The following CEP57L1 variants were observed in gnomAD, a reference collection of about 807,000 sequenced individuals.
CEP57L1 encodes the protein centrosomal protein 57 like 1, also known as centrosomal protein CEP57L1.
Under a neutral mutation model 61.0 loss-of-function variants are expected in CEP57L1, and 37 were observed. The observed-to-expected ratio is 0.61, with a 90% CI of 0.47 to 0.80. The LOEUF is 0.80. Ranked by LOEUF, CEP57L1 falls within the 30% of genes least tolerant of loss-of-function variation. CEP57L1 has a pLI of 0.00. For missense variants in CEP57L1, 422 were observed against 524.7 expected, an observed-to-expected ratio of 0.80 and a Z score of 1.91; for synonymous variants, 137 against 162.3, an observed-to-expected ratio of 0.84 and a Z score of 1.19.
chr6:109,131,335 A>G (rs1004273448), intron 1 of CEP57L1, among the ~76,000 whole-genome samples: 1 of 152,102 alleles, frequency 6.6e-6, no homozygotes, highest in Admixed American at 6.6e-5. Flanking sequence ...TTCTCAGCCT[A>G]TAGATTGTTT....
intron 7 of CEP57L1, chr6:109,156,801 G>A (rs1773260776): frequency 6.6e-6 from 1 of 151,922 alleles, no homozygotes; most frequent in Admixed American, 6.6e-5. Flanking sequence ...TTCAATACTT[G>A]GGCTGTATTT....
chr6:109,164,448 T>C lies in CEP57L1; in HGVS notation c.*1478T>C, dbSNP rs1773961487. Among the ~76,000 whole-genome samples the C allele has an allele frequency of 6.6e-6, 1 of 152,168 alleles. No homozygotes were observed. Among genetic ancestry groups the C allele is most frequent in the African/African-American group, 2.4e-5 (1 of 41,456 alleles). On this transcript the variant is annotated 3_prime_UTR_variant, in exon 11 of 11. Coordinates refer to ENST00000517392, the MANE Select transcript of CEP57L1 (RefSeq NM_001271852.3). ...GGCAGAGATCAAAATTTCCTCCTGTTGTAAATAGTGCATGTGCCCTTTGCC... is the reference window on the plus strand; with the variant it reads ...GGCAGAGATCAAAATTTCCTCCTGTCGTAAATAGTGCATGTGCCCTTTGCC...
At chr6:109,162,681 C>T in intron 10 of CEP57L1, 68 bp from the exon 11 acceptor site, 1 of 997,722 alleles carries the variant, frequency 1.0e-6, no homozygotes, top group South Asian at 1.5e-5. Context: ...ATCAATTCAA[C>T]CTATCTATTT....
chr6:109,111,114 G>A (rs1162109533), intron 1 of CEP57L1, among the ~76,000 whole-genome samples: 1 of 152,106 alleles, frequency 6.6e-6, no homozygotes, highest in Middle Eastern at 3.2e-3. Flanking sequence ...AATTACTTCG[G>A]GCAGTATGGC....
At chr6:109,155,186 G>C in intron 5 of CEP57L1, 44 bp from the exon 6 acceptor site, 2 of 1,187,798 alleles carry the variant, frequency 1.7e-6, no homozygotes, top group Non-Finnish European at 1.2e-6. Flanking sequence ...ATGATATTTG[G>C]CTCTAGTTTT....
chr6:109,148,945 C>T (rs541640172), intron 3 of CEP57L1, among the ~76,000 whole-genome samples: 18 of 152,242 alleles, frequency 1.2e-4, no homozygotes, highest in African/African-American at 3.4e-4. Flanking sequence ...TCATGTCCTT[C>T]GCCCACTTGT....
rs953844797 is a variant in CEP57L1 at position 109,169,179 on chromosome 6, T to C, written c.*6209T>C. Among the ~76,000 whole-genome samples the C allele has an allele frequency of 6.7e-6, 1 of 148,224 alleles. No homozygotes were observed. Among genetic ancestry groups the C allele is most frequent in the African/African-American group, 2.5e-5 (1 of 40,060 alleles). ...AGGCGGAGGTTGCAGTAAGCTGAGATTGTGCCACTGCACTCTAGCCTGAGC... is the reference window on the plus strand; with the variant it reads ...AGGCGGAGGTTGCAGTAAGCTGAGACTGTGCCACTGCACTCTAGCCTGAGC... On this transcript the variant is annotated 3_prime_UTR_variant, in exon 11 of 11. Coordinates refer to ENST00000517392, the MANE Select transcript of CEP57L1 (RefSeq NM_001271852.3).
At chr6:109,098,049 T>C (rs1186451142) in intron 1 of CEP57L1, among the ~76,000 whole-genome samples, 1 of 152,222 alleles carries the variant, frequency 6.6e-6, no homozygotes, top group Non-Finnish European at 1.5e-5. Flanking sequence ...ACTAACATTT[T>C]TAATTGGGTT....
rs545434793 is a variant in CEP57L1 at position 109,152,334 on chromosome 6, C to A, written c.463-1499C>A. On this transcript the variant is annotated intron_variant, in intron 4 of 10. Coordinates refer to ENST00000517392, the MANE Select transcript of CEP57L1 (RefSeq NM_001271852.3). The stretch of plus-strand genomic sequence containing the variant: ...TAGCTGGGATTACAGGCGCCCGCCA[C>A]CACACCCAGCTAACTTTTTGTATTT... Among the ~76,000 whole-genome samples, 5 of 152,240 alleles carry A rather than the reference C, an allele frequency of 3.3e-5. No homozygotes were observed. The East Asian group carries it at 9.7e-4, about 30-fold the overall frequency.
chr6:109,126,442 T>A (rs1773567087), intron 1 of CEP57L1, among the ~76,000 whole-genome samples: 1 of 152,222 alleles, frequency 6.6e-6, no homozygotes, highest in African/African-American at 2.4e-5. Context: ...AAATCTGTTG[T>A]CCATCTATTA....
At chr6:109,137,286 G>C (rs1770858642) in intron 1 of CEP57L1, among the ~76,000 whole-genome samples, 1 of 151,770 alleles carries the variant, frequency 6.6e-6, no homozygotes, top group Non-Finnish European at 1.5e-5. Context: ...GTTATATCAT[G>C]ACTTTCAAAA....
intron 1 of CEP57L1, among the ~76,000 whole-genome samples, chr6:109,144,200 T>C (rs978126389): frequency 8.5e-5 from 13 of 152,170 alleles, no homozygotes; most frequent in African/African-American, 3.1e-4. Flanking sequence ...AGTAGAAAAT[T>C]CTAGGAAGTG....
intron 1 of CEP57L1, among the ~76,000 whole-genome samples, chr6:109,110,663 T>C (rs935062864): frequency 6.6e-6 from 1 of 152,202 alleles, no homozygotes; most frequent in Admixed American, 6.5e-5. Context: ...TTTTAGGTCT[T>C]ATGTTTAAGT....
intron 1 of CEP57L1, among the ~76,000 whole-genome samples, chr6:109,139,026 A>T (rs145313433): frequency 6.6e-6 from 1 of 152,192 alleles, no homozygotes; most frequent in South Asian, 2.1e-4. Flanking sequence ...TCTCTCTGGC[A>T]TATCTAAATT....
chr6:109,159,516 C>A, intron 9 of CEP57L1, 54 bp downstream of exon 9: 1 of 1,529,990 alleles, frequency 6.5e-7, no homozygotes, highest in Non-Finnish European at 8.9e-7. Flanking sequence ...GCTATGTTGC[C>A]CAGGCTAGTC....
In CEP57L1 at chr6:109,155,272, C is replaced by T. The variant is rs1773100634; in HGVS notation, c.622C>T (p.His208Tyr). ...AGAAGAAAAACTTAAGGAAGAAGAA[C>T]ATCAGCGTAAGCTATTTCAAGACAA... The part of the protein sequence containing the change: ...HLEEKLKEEE[H>Y]QRKLFQDKAS... The change falls in exon 6 of 11, where the codon CAT (histidine) becomes TAT (tyrosine). Residue 208 changes from histidine (H) to tyrosine (Y), a missense_variant. His to Tyr is a moderately conservative substitution (Grantham distance 83). Coordinates refer to ENST00000517392, the MANE Select transcript of CEP57L1 (RefSeq NM_001271852.3). 1 of 1,596,898 alleles carries T rather than the reference C, an allele frequency of 6.3e-7. No homozygotes were observed. The highest frequency in any genetic ancestry group is 1.7e-5 in the Admixed American group (1 of 58,346).
In CEP57L1 at chr6:109,139,482, T is replaced by C. The variant is rs574629451; in HGVS notation, c.-3-5737T>C. Among the ~76,000 whole-genome samples the C allele has an allele frequency of 7.8e-3, 1,189 of 151,566 alleles. 18 individuals carry two copies. The highest frequency in any genetic ancestry group is 0.028 in the African/African-American group (1,139 of 41,386). On this transcript the variant is annotated intron_variant, in intron 1 of 10. Transcript: ENST00000517392. The stretch of plus-strand genomic sequence containing the variant: ...CCTGGCTGAATTTTTTTTTCTTTTT[T>C]CTTTTTTTTTTTGAGATGGAGTCTC...
At chr6:109,120,912 G>GCACACACACA (rs71747421) in intron 1 of CEP57L1, among the ~76,000 whole-genome samples, 1 of 133,482 alleles carries the variant, frequency 7.5e-6, no homozygotes, top group African/African-American at 2.9e-5. Context: ...TTAGACACAC[G>GCACACACACA]CACACACACA....
chr6:109,148,227 C>T (rs1772182174), intron 3 of CEP57L1, among the ~76,000 whole-genome samples: 3 of 152,050 alleles, frequency 2.0e-5, no homozygotes, highest in Admixed American at 1.3e-4. Flanking sequence ...ATTAACTCGT[C>T]ATTTAGCATT....
Sources: gnomAD v4.1 joint callset for allele counts (sites outside exome capture counted in the v4.1 genomes callset) on GRCh38, gnomAD v4.1.1 for gene constraint, MANE v1.5 for transcripts, NCBI Gene and HGNC (gene_info 2026-07-23, HGNC 2026-07-21) for gene names.